The following DMBT1 variants were observed in gnomAD, a reference collection of about 807,000 sequenced individuals.
DMBT1 encodes deleted in malignant brain tumors 1, also known as scavenger receptor cysteine-rich domain-containing protein DMBT1.
DMBT1 carries 198 observed loss-of-function variants against 252.9 expected under a neutral mutation model. That is an observed-to-expected ratio of 0.78 (90% confidence interval 0.70 to 0.88). The LOEUF (loss-of-function observed/expected upper bound fraction) is 0.88. Ranked by LOEUF, DMBT1 falls within the 40% of genes least tolerant of loss-of-function variation. The pLI is 0.00. For synonymous variants in DMBT1, 990 were observed against 942.7 expected (o/e 1.05, Z -0.92); for missense variants, 2,432 against 2,404.7 (o/e 1.01, Z -0.24).
At chr10:122,640,644 C>T (rs1325825196) in intron 55 of DMBT1, among the ~76,000 whole-genome samples, 195 bp downstream of exon 55, 1 of 152,178 alleles carries the variant, frequency 6.6e-6, no homozygotes, top group African/African-American at 2.4e-5. Flanking sequence ...TGTTCTGTAT[C>T]ACATCCCTGA....
intron 49 of DMBT1, 37 bp from the exon 50 acceptor site, chr10:122,631,818 G>A (rs886561854): frequency 1.2e-6 from 2 of 1,613,096 alleles, no homozygotes; most frequent in Admixed American, 1.7e-5. Flanking sequence ...CAAGCCACAT[G>A]TCTGTGACCT....
rs772490659 is a variant in DMBT1, at chr10:122,629,967, C to T, written c.5796C>T (p.Arg1932=). The change falls in exon 47 of 56, where the codon CGC becomes CGT. Residue 1932 remains arginine (R), a synonymous_variant. Coordinates refer to ENST00000338354, the MANE Select transcript of DMBT1 (RefSeq NM_001377530.1). ...VWEIEVNSGY[R]INLGFSNLKL... is the part of the protein sequence containing the mutation. ...AAATAGAAGTGAATTCTGGTTATCG[C>T]ATAAACCTGGGCTTCAGTAATCTGA... is the stretch of plus-strand genomic sequence containing the variant. 2 of 1,614,024 alleles carry T rather than the reference C, an allele frequency of 1.2e-6. No individual in the cohort carries two copies. The highest frequency in any genetic ancestry group is 2.7e-5 in the African/African-American group (2 of 75,050).
chr10:122,584,288 T>A (rs2097772330), intron 13 of DMBT1, 34 bp from the exon 14 acceptor site: 1 of 470,150 alleles, frequency 2.1e-6, no homozygotes, highest in Non-Finnish European at 3.6e-6. Flanking sequence ...AGCTTCTGTA[T>A]AGTGCATCTG....
In DMBT1 at chr10:122,592,411, G is replaced by A. The variant is rs538151746; in HGVS notation, c.2316G>A (p.Arg772=). 6.3e-7 allele frequency: 1 copy of A among 1,588,570 alleles called. No individual in the cohort carries two copies. Among genetic ancestry groups the A allele is most frequent in the Non-Finnish European group, 8.6e-7 (1 of 1,165,858 alleles). The change falls in exon 20 of 56, where the codon AGG becomes AGA. Residue 772 remains arginine (R), a synonymous_variant. Transcript: ENST00000338354. The part of the protein sequence containing the change: ...WDTNDANVVC[R]QLGCGWATSA... The stretch of plus-strand genomic sequence containing the variant: ...CCAATGATGCCAATGTGGTCTGCAG[G>A]CAGCTGGGCTGTGGCTGGGCCACGT...
At chr10:122,598,538 C>T (rs1033382788) in intron 25 of DMBT1, among the ~76,000 whole-genome samples, 2 of 152,198 alleles carry the variant, frequency 1.3e-5, no homozygotes, top group Non-Finnish European at 2.9e-5. Flanking sequence ...TTCCTGTTAA[C>T]TTCAGTAGGG....
chr10:122,638,645 A>G (rs922081906), intron 54 of DMBT1, among the ~76,000 whole-genome samples: 1 of 152,078 alleles, frequency 6.6e-6, no homozygotes, highest in African/African-American at 2.4e-5. Context: ...GGATCTTGCT[A>G]TGTGTCCCAG....
At chr10:122,630,633 G>C in intron 48 of DMBT1, 143 bp downstream of exon 48, 1 of 967,774 alleles carries the variant, frequency 1.0e-6, no homozygotes, top group Non-Finnish European at 1.5e-6. Flanking sequence ...CTGACTGTGT[G>C]GGCAGGCCCT....
chr10:122,574,058 G>C (rs2097690204), intron 6 of DMBT1, among the ~76,000 whole-genome samples: 1 of 152,154 alleles, frequency 6.6e-6, no homozygotes, highest in Non-Finnish European at 1.5e-5. Flanking sequence ...TCCTCACCCA[G>C]CTGTGCTCAT....
rs564374459 is a variant in DMBT1 at position 122,580,705 on chromosome 10, G to A, written c.1004-161G>A. On this transcript the variant is annotated intron_variant, in intron 10 of 55. Coordinates refer to ENST00000338354, the MANE Select transcript of DMBT1 (RefSeq NM_001377530.1). ...CAGGATCTGCCTCGACCCCTTACAC[G>A]GTGCATCTCTGTGGGGATGTGCATG... Among the ~76,000 whole-genome samples, 143 of 152,160 alleles carry A rather than the reference G, an allele frequency of 9.4e-4. 1 individual carries two copies. The highest frequency in any genetic ancestry group is 3.3e-3 in the African/African-American group (135 of 41,492).
rs768172003 is a variant in DMBT1, at chr10:122,599,079, G to T, written c.3262G>T (p.Ala1088Ser). Residue 1088 changes from alanine (A) to serine (S), a missense_variant, in exon 26 of 56, where the codon GCT becomes TCT. Ala to Ser is a moderately conservative substitution (Grantham distance 99). This residue lies in a region of DMBT1 where 1,264 missense variants were observed against 1,082.2 expected (regional missense o/e 1.17). Transcript: ENST00000338354. ...CCACAACTGTGGCCATAGTGAAGAC[G>T]CTGGTGTCATCTGCTCAGGTGGGCC... Reference protein sequence around the residue: ...LSHNCGHSEDAGVICSASQSR... With the variant: ...LSHNCGHSEDSGVICSASQSR... 1.2e-6 allele frequency: 2 copies of T among 1,613,724 alleles called. No homozygotes were observed. The highest frequency in any genetic ancestry group is 1.3e-5 in the African/African-American group (1 of 74,920).
At chr10:122,616,884 C>A (rs1173522101) in intron 39 of DMBT1, among the ~76,000 whole-genome samples, 1 of 91,972 alleles carries the variant, frequency 1.1e-5, no homozygotes, top group African/African-American at 4.8e-5. Context: ...CCCTGGTTCC[C>A]CTAACATTTT....
At position 122,576,676 on chromosome 10, in the gene DMBT1, C is replaced by G. The variant is rs748806446; in HGVS notation, c.561C>G (p.Leu187=). The G allele has an allele frequency of 6.2e-7, 1 of 1,613,664 alleles. No individual in the cohort carries two copies. The highest frequency in any genetic ancestry group is 8.5e-7 in the Non-Finnish European group (1 of 1,179,742). ...YLWSCPHNGW[L]SHNCGHGEDA... ...GGAGCTGCCCCCACAATGGCTGGCTCTCCCATAACTGTGGCCATGGTGAAG... is the reference window on the plus strand; with the variant it reads ...GGAGCTGCCCCCACAATGGCTGGCTGTCCCATAACTGTGGCCATGGTGAAG... Residue 187 remains leucine, a synonymous_variant, in exon 7 of 56, where the codon CTC becomes CTG. Transcript: ENST00000338354.
intron 54 of DMBT1, among the ~76,000 whole-genome samples, chr10:122,639,627 C>T (rs2133699077): frequency 6.6e-6 from 1 of 152,268 alleles, no homozygotes; most frequent in African/African-American, 2.4e-5. Flanking sequence ...TTACTTCAGG[C>T]CATCTGGATG....
At chr10:122,635,707 C>A (rs2098221107) in intron 52 of DMBT1, among the ~76,000 whole-genome samples, 1 of 152,124 alleles carries the variant, frequency 6.6e-6, no homozygotes, top group African/African-American at 2.4e-5. Context: ...AGGCTTGTGC[C>A]ACCACGCCCG....
chr10:122,578,300 GGA>G (rs1259723287), intron 8 of DMBT1, among the ~76,000 whole-genome samples: 3 of 152,178 alleles, frequency 2.0e-5, no homozygotes, highest in African/African-American at 7.2e-5. Context: ...CATGCTGAGG[GGA>G]GAGAGAGGCT....
At chr10:122,568,514 A>G (rs181463400) in intron 2 of DMBT1, among the ~76,000 whole-genome samples, 1 of 152,230 alleles carries the variant, frequency 6.6e-6, no homozygotes, top group Admixed American at 6.5e-5. Context: ...TGAGAGGAAG[A>G]AGGAGGAGTG....
At chr10:122,577,759 A>T (rs1024981607) in intron 7 of DMBT1, 52 bp from the exon 8 acceptor site, 1 of 1,609,170 alleles carries the variant, frequency 6.2e-7, no homozygotes, top group African/African-American at 1.3e-5. Context: ...CCTTAACTCT[A>T]CTTGGAGTCA....
chr10:122,618,408 C>T lies in DMBT1; in HGVS notation c.5215+68C>T, dbSNP rs931259209. 118 of 1,610,570 alleles carry T rather than the reference C, an allele frequency of 7.3e-5. No homozygotes were observed. The African/African-American group carries it at 1.3e-3, about 17-fold the overall frequency. On this transcript the variant is annotated intron_variant, in intron 41 of 55. Coordinates refer to ENST00000338354, the MANE Select transcript of DMBT1 (RefSeq NM_001377530.1). ...TTGCTCAGGAAGAAAATCCTAATTA[C>T]ATTCTGATCTCCTCACTCAAAGCTT...
intron 55 of DMBT1, among the ~76,000 whole-genome samples, chr10:122,640,677 A>G (rs771100814): frequency 4.6e-5 from 7 of 152,188 alleles, no homozygotes; most frequent in Non-Finnish European, 1.0e-4. Context: ...TAGGATGACC[A>G]TGTATCATCT....
Sources: allele counts gnomAD v4.1 joint callset (sites outside exome capture counted in the v4.1 genomes callset), GRCh38; gene constraint gnomAD v4.1.1; regional missense constraint gnomAD v4.1.1; transcripts MANE v1.5; gene names NCBI Gene and HGNC (gene_info 2026-07-23, HGNC 2026-07-21).